Variants in DLGAP2 observed in about 807,000 individuals in gnomAD.
The protein encoded by DLGAP2 is DLG associated protein 2, also known as disks large-associated protein 2.
A neutral mutation model predicts 100.3 loss-of-function variants in DLGAP2; 26 were observed. The ratio of observed to expected loss-of-function variants is 0.26; its 90% confidence interval spans 0.19 to 0.36. The LOEUF (loss-of-function observed/expected upper bound fraction) is 0.36. Ranked by LOEUF, DLGAP2 falls within the 10% of genes least tolerant of loss-of-function variation. The pLI is 1.00. For missense variants in DLGAP2, 1,858 were observed against 1,453.2 expected, an observed-to-expected ratio of 1.28 and a Z score of -4.53; for synonymous variants, 886 against 630.1, an observed-to-expected ratio of 1.41 and a Z score of -6.08.
intron 7 of DLGAP2, among the ~76,000 whole-genome samples, chr8:1,628,905 G>A (rs1357616142): frequency 2.0e-5 from 3 of 152,234 alleles, no homozygotes; most frequent in African/African-American, 4.8e-5. Context: ...TGCAGTTATC[G>A]GCGTGACAAT....
chr8:1,562,073 TG>T (rs1355205711), intron 5 of DLGAP2, among the ~76,000 whole-genome samples: 1 of 31,872 alleles, frequency 3.1e-5, no homozygotes. Flanking sequence ...TGTGTGGTGT[TG>T]GGGTGTCCGC....
At chr8:1,048,708 T>G (rs1802588046) in intron 2 of DLGAP2, among the ~76,000 whole-genome samples, 1 of 152,036 alleles carries the variant, frequency 6.6e-6, no homozygotes, top group African/African-American at 2.4e-5. Context: ...CCCGAGGCCC[T>G]AGACCTGGAA....
At chr8:995,559 A>G (rs945959287) in intron 2 of DLGAP2, among the ~76,000 whole-genome samples, 2 of 152,162 alleles carry the variant, frequency 1.3e-5, no homozygotes, top group Non-Finnish European at 2.9e-5. Flanking sequence ...TAGAATTTGT[A>G]CCACAAATGT....
intron 3 of DLGAP2, among the ~76,000 whole-genome samples, chr8:1,452,749 G>A (rs944270523): frequency 6.6e-6 from 1 of 152,144 alleles, no homozygotes; most frequent in African/African-American, 2.4e-5. Flanking sequence ...CTGGGTCAGT[G>A]GTTCTCCAGG....
rs1801869224 is a variant in DLGAP2, at chr8:1,028,201, A to ATTCTCCAGGTGGGGTGTCAGGCGCCCG, written c.73+120237_73+120238insCTCCAGGTGGGGTGTCAGGCGCCCGTT. Among the ~76,000 whole-genome samples, 11 of 42,230 alleles carry ATTCTCCAGGTGGGGTGTCAGGCGCCCG rather than the reference A, an allele frequency of 2.6e-4. 2 individuals carry two copies. The highest frequency in any genetic ancestry group is 4.4e-4 in the Admixed American group (2 of 4,572). 27.7% of individuals were successfully genotyped at this position (42,230 alleles called of 152,430 possible). A position where few individuals can be genotyped will look rare whatever the true frequency, so the allele number is the denominator to read the frequency against. ...TCTCCAGTTGGGGTGCCAGGCGCCC[A>ATTCTCCAGGTGGGGTGTCAGGCGCCCG]TTATTCTCCAGGTGGGGTGTCAGGC... On this transcript the variant is annotated intron_variant, in intron 2 of 14. Coordinates refer to ENST00000637795, the MANE Select transcript of DLGAP2 (RefSeq NM_001346810.2).
At chr8:962,531 C>T (rs1033583224) in intron 2 of DLGAP2, among the ~76,000 whole-genome samples, 1 of 152,138 alleles carries the variant, frequency 6.6e-6, no homozygotes, top group Non-Finnish European at 1.5e-5. Context: ...CCTGGGGCTG[C>T]TCACATGGGC....
chr8:1,236,134 C>T (rs1263414833), intron 2 of DLGAP2, among the ~76,000 whole-genome samples: 3 of 102,710 alleles, frequency 2.9e-5, no homozygotes, highest in Admixed American at 1.1e-4. Flanking sequence ...CACATGTTGC[C>T]GTGTCTAGTT....
chr8:1,329,704 G>C (rs902683198), intron 3 of DLGAP2, among the ~76,000 whole-genome samples: 1 of 152,154 alleles, frequency 6.6e-6, no homozygotes, highest in Non-Finnish European at 1.5e-5. Flanking sequence ...TGAGCCGTGC[G>C]TGAGGTCACC....
chr8:1,455,014 G>C (rs1285527361), intron 3 of DLGAP2, among the ~76,000 whole-genome samples: 1 of 152,176 alleles, frequency 6.6e-6, no homozygotes, highest in Non-Finnish European at 1.5e-5. Flanking sequence ...AGCACTGTCA[G>C]CTACATCTTG....
intron 2 of DLGAP2, among the ~76,000 whole-genome samples, chr8:1,256,047 T>C (rs1799202334): frequency 7.7e-6 from 1 of 129,680 alleles, no homozygotes; most frequent in African/African-American, 3.0e-5. Flanking sequence ...GCTGTGTGTG[T>C]GTCCTCTCAT....
At chr8:1,544,066 C>G (rs1295276250) in intron 4 of DLGAP2, among the ~76,000 whole-genome samples, 1 of 151,946 alleles carries the variant, frequency 6.6e-6, no homozygotes, top group Non-Finnish European at 1.5e-5. Flanking sequence ...CTATGCCTGG[C>G]TAATTTTTGT....
At chr8:1,422,601 G>A (rs1055988412) in intron 3 of DLGAP2, among the ~76,000 whole-genome samples, 2 of 151,728 alleles carry the variant, frequency 1.3e-5, no homozygotes, top group African/African-American at 4.8e-5. Flanking sequence ...CAGACAGGGT[G>A]GATGCATCTT....
chr8:1,039,923 TCGG>T (rs2129030062), intron 2 of DLGAP2, among the ~76,000 whole-genome samples: 1 of 149,494 alleles, frequency 6.7e-6, no homozygotes, highest in African/African-American at 2.5e-5. Context: ...CGTGGTCAGC[TCGG>T]TGTGCATGGT....
At chr8:835,810 C>T (rs1214575356) in intron 1 of DLGAP2, among the ~76,000 whole-genome samples, 2 of 152,156 alleles carry the variant, frequency 1.3e-5, no homozygotes, top group Non-Finnish European at 2.9e-5. Flanking sequence ...TTAATGCTTT[C>T]TCCCCGTACC....
Position 1,641,729 on chromosome 8 carries a change from A to G in DLGAP2, c.1810+8683A>G, listed in dbSNP as rs1797904937. On this transcript the variant is annotated intron_variant, in intron 8 of 14. Transcript: ENST00000637795. ...TGTAAGAAAGGATTCCTAATTGGTC[A>G]TTTAACATCTTATCACCCAGAAAAG... Among the ~76,000 whole-genome samples the G allele has an allele frequency of 2.0e-5, 3 of 152,140 alleles. No homozygotes were observed. In the South Asian group the frequency reaches 6.2e-4, roughly 31 times the overall value.
intron 2 of DLGAP2, among the ~76,000 whole-genome samples, chr8:1,124,002 G>C (rs1341385276): frequency 6.7e-6 from 1 of 149,830 alleles, no homozygotes. Flanking sequence ...TGGAGGAAGT[G>C]AGAGCGTGGT....
chr8:1,465,987 C>T (rs1219587362), intron 3 of DLGAP2, among the ~76,000 whole-genome samples: 4 of 152,296 alleles, frequency 2.6e-5, no homozygotes, highest in Admixed American at 2.6e-4. Context: ...AGAGAGACTC[C>T]CAACGTTACA....
chr8:1,308,584 G>A (rs1017600790), intron 3 of DLGAP2, among the ~76,000 whole-genome samples: 3 of 152,182 alleles, frequency 2.0e-5, no homozygotes, highest in Non-Finnish European at 4.4e-5. Flanking sequence ...GGAGTGCAGT[G>A]GTGTGATCTC....
At chr8:985,513 C>T (rs1232616403) in intron 2 of DLGAP2, among the ~76,000 whole-genome samples, 1 of 152,182 alleles carries the variant, frequency 6.6e-6, no homozygotes, top group African/African-American at 2.4e-5. Context: ...TCACCAGTTG[C>T]TTAGCAAGTA....
Sources: allele counts gnomAD v4.1 joint callset (sites outside exome capture counted in the v4.1 genomes callset), GRCh38; gene constraint gnomAD v4.1.1; transcripts MANE v1.5; gene names NCBI Gene and HGNC (gene_info 2026-07-23, HGNC 2026-07-21).